The following TDRD5 variants were observed in gnomAD, a reference collection of about 807,000 sequenced individuals.
TDRD5 encodes the protein tudor domain containing 5.
A neutral mutation model predicts 120.6 loss-of-function variants in TDRD5; 41 were observed. That is an observed-to-expected ratio of 0.34 (90% confidence interval 0.26 to 0.44). The LOEUF (loss-of-function observed/expected upper bound fraction) is 0.44, where lower values mean the gene tolerates loss of function less well. Among genes scored for constraint, TDRD5 ranks in the 20% least tolerant of loss-of-function variants. The pLI, the probability that TDRD5 is intolerant of heterozygous loss-of-function variation, is 1.00. For missense variants in TDRD5, 1,006 were observed against 1,221.2 expected, an observed-to-expected ratio of 0.82 and a Z score of 2.63; for synonymous variants, 430 against 433.7, an observed-to-expected ratio of 0.99 and a Z score of 0.11.
intron 17 of TDRD5, among the ~76,000 whole-genome samples, chr1:179,681,321 G>A (rs1680407734): frequency 1.3e-5 from 2 of 152,104 alleles, no homozygotes; most frequent in African/African-American, 4.8e-5. Flanking sequence ...ATCACTTTAT[G>A]TATAATATTA....
At chr1:179,641,488 C>T (rs754726822) in intron 11 of TDRD5, among the ~76,000 whole-genome samples, 37 of 151,844 alleles carry the variant, frequency 2.4e-4, no homozygotes, top group Non-Finnish European at 4.3e-4. Flanking sequence ...TGAGATTGCG[C>T]CGCTGCACTC....
chr1:179,657,675 T>C (rs1679076577), intron 14 of TDRD5, among the ~76,000 whole-genome samples: 1 of 152,192 alleles, frequency 6.6e-6, no homozygotes, highest in Non-Finnish European at 1.5e-5. Flanking sequence ...TTATGTAGAA[T>C]TGTATTTCCT....
At chr1:179,643,877 A>T (rs1274296720) in intron 11 of TDRD5, among the ~76,000 whole-genome samples, 1 of 152,168 alleles carries the variant, frequency 6.6e-6, no homozygotes, top group African/African-American at 2.4e-5. Context: ...ATACAAAGAA[A>T]ACCATACCTA....
chr1:179,669,111 TTGC>T, intron 16 of TDRD5, 80 bp from the exon 17 acceptor site: 1 of 1,208,518 alleles, frequency 8.3e-7, no homozygotes, highest in South Asian at 1.5e-5. Flanking sequence ...TATTTGTATT[TTGC>T]TTATAAGTAA....
rs1274784579 is a variant in TDRD5, at chr1:179,621,098, G to A, written c.972+7G>A. ...ACTGCTTGGAGAGTATGAGGTAAGT[G>A]TTTTGCTTTTCCCCAACCCTAATTT... On this transcript the variant is annotated splice_region_variant and intron_variant, in intron 6 of 17. Transcript: ENST00000444136. 2 of 1,590,802 alleles carry A rather than the reference G, an allele frequency of 1.3e-6. No homozygotes were observed. Among genetic ancestry groups the A allele is most frequent in the African/African-American group, 2.7e-5 (2 of 73,626 alleles).
At chr1:179,594,591 C>G (rs1675287566) in intron 3 of TDRD5, among the ~76,000 whole-genome samples, 1 of 152,254 alleles carries the variant, frequency 6.6e-6, no homozygotes. Flanking sequence ...GGTAGTATCT[C>G]CCTTGACAAT....
intron 4 of TDRD5, among the ~76,000 whole-genome samples, chr1:179,603,048 T>A (rs1675800367): frequency 6.6e-6 from 1 of 152,206 alleles, no homozygotes; most frequent in Non-Finnish European, 1.5e-5. Context: ...CATCTATAAT[T>A]TCTTTCAGCA....
intron 9 of TDRD5, among the ~76,000 whole-genome samples, chr1:179,636,877 A>C (rs184345289): frequency 6.6e-6 from 1 of 152,312 alleles, no homozygotes; most frequent in Non-Finnish European, 1.5e-5. Context: ...GAAAAATGTC[A>C]AATACCCAAG....
At chr1:179,597,161 T>C (rs6663420) in intron 4 of TDRD5, among the ~76,000 whole-genome samples, 33,921 of 152,038 alleles carry the variant, frequency 0.22, 4,339 homozygotes, top group East Asian at 0.34. Flanking sequence ...TTGTATTGAA[T>C]TGGAAAAATT....
chr1:179,683,567 T>A (rs1030663284), intron 17 of TDRD5, among the ~76,000 whole-genome samples: 7 of 152,184 alleles, frequency 4.6e-5, no homozygotes, highest in African/African-American at 1.7e-4. Context: ...GTAGAACATA[T>A]ACTACATGTT....
At chr1:179,673,837 A>T (rs1049456622) in intron 17 of TDRD5, among the ~76,000 whole-genome samples, 3 of 152,152 alleles carry the variant, frequency 2.0e-5, no homozygotes, top group African/African-American at 7.2e-5. Flanking sequence ...CAAGTTCTTG[A>T]TTTGATTCTC....
chr1:179,618,511 A>AT (rs996205789), intron 4 of TDRD5, 88 bp from the exon 5 acceptor site: 45 of 880,522 alleles, frequency 5.1e-5, no homozygotes, highest in Non-Finnish European at 3.9e-5. Flanking sequence ...CCTTTTATAG[A>AT]TTTTTTCTTT....
chr1:179,647,569 A>G (rs1441019946), intron 11 of TDRD5, among the ~76,000 whole-genome samples: 2 of 151,672 alleles, frequency 1.3e-5, no homozygotes, highest in African/African-American at 4.8e-5. Flanking sequence ...AAACACCAAA[A>G]GCAATGGCAA....
chr1:179,676,828 G>A (rs1003339422), intron 17 of TDRD5, among the ~76,000 whole-genome samples: 5 of 152,124 alleles, frequency 3.3e-5, no homozygotes, highest in African/African-American at 1.2e-4. Flanking sequence ...GTATGCCTAG[G>A]CAGTTATCTT....
chr1:179,613,057 T>C (rs1354084135), intron 4 of TDRD5, among the ~76,000 whole-genome samples: 1 of 152,082 alleles, frequency 6.6e-6, no homozygotes, highest in Non-Finnish European at 1.5e-5. Context: ...CTTGGACTTA[T>C]AAATAAATAT....
intron 1 of TDRD5, 140 bp downstream of exon 1, chr1:179,592,265 CG>C (rs908952826): frequency 4.5e-6 from 1 of 223,732 alleles, no homozygotes; most frequent in African/African-American, 2.3e-5. Flanking sequence ...GGCGGCATTG[CG>C]TTGGCCTTAG....
chr1:179,600,280 T>G (rs1012673301), intron 4 of TDRD5, among the ~76,000 whole-genome samples: 57 of 152,180 alleles, frequency 3.7e-4, no homozygotes, highest in African/African-American at 1.3e-3. Context: ...CCATTTATGG[T>G]AAGTACTTTA....
At chr1:179,608,900 GCTGTATTAGAGTGGGTATTATAGA>G (rs1676134343) in intron 4 of TDRD5, among the ~76,000 whole-genome samples, 1 of 152,004 alleles carries the variant, frequency 6.6e-6, no homozygotes, top group African/African-American at 2.4e-5. Context: ...TTTCTTTTAA[GCTGTATTAGAGTGGGTATTATAGA>G]CTTAATTATG....
rs745777571 is a variant in TDRD5 at position 179,631,851 on chromosome 1, A to ATTTTT, written c.1126+949_1126+953dup. Among the ~76,000 whole-genome samples the ATTTTT allele has an allele frequency of 7.7e-3, 571 of 74,228 alleles. 11 individuals are homozygous for ATTTTT. The highest frequency in any genetic ancestry group is 0.011 in the Non-Finnish European group (425 of 39,736). The allele number at this position is 74,228 out of a possible 152,430, so 48.7% of individuals were successfully genotyped here. Reference sequence around the variant, plus strand: ...TACCACATTGCATTTAGGGCACTTGATTTTTTTTTTTTTTTTTTTTTTGTG... The same window carrying ATTTTT: ...TACCACATTGCATTTAGGGCACTTGATTTTTTTTTTTTTTTTTTTTTTTTTTTGTG... On this transcript the variant is annotated intron_variant, in intron 7 of 17. Coordinates refer to ENST00000444136, the MANE Select transcript of TDRD5 (RefSeq NM_001199085.3).
Sources: gnomAD v4.1 joint callset for allele counts (sites outside exome capture counted in the v4.1 genomes callset) on GRCh38, gnomAD v4.1.1 for gene constraint, MANE v1.5 for transcripts, NCBI Gene and HGNC (gene_info 2026-07-23, HGNC 2026-07-21) for gene names.